Variants in WDR11 observed in about 807,000 individuals in gnomAD.
WDR11 encodes WD repeat domain 11, also known as WD repeat-containing protein 11.
Under a neutral mutation model 151.2 loss-of-function variants are expected in WDR11, and 83 were observed. The ratio of observed to expected loss-of-function variants is 0.55; its 90% confidence interval spans 0.46 to 0.66. The LOEUF (loss-of-function observed/expected upper bound fraction) is 0.66, where lower values mean the gene tolerates loss of function less well. Ranked by LOEUF, WDR11 falls within the 30% of genes least tolerant of loss-of-function variation. The pLI, the probability that WDR11 is intolerant of heterozygous loss-of-function variation, is 0.00. For missense variants in WDR11, 1,301 were observed against 1,480.9 expected (o/e 0.88, Z 1.99); for synonymous variants, 484 against 533.1 (o/e 0.91, Z 1.27).
intron 4 of WDR11, 25 bp from the exon 5 acceptor site, chr10:120,862,710 C>CA (rs1564941217): frequency 6.2e-7 from 1 of 1,611,126 alleles, no homozygotes; most frequent in East Asian, 2.2e-5. Flanking sequence ...AAACTTTAAT[C>CA]AGAGTTTTGC....
chr10:120,871,368 T>C, intron 10 of WDR11, 22 bp downstream of exon 10: 1 of 1,609,498 alleles, frequency 6.2e-7, no homozygotes, highest in Admixed American at 1.7e-5. Flanking sequence ...ACCTGGTCTT[T>C]TTTTTTTTAA....
chr10:120,852,657 C>T (rs1845820580), intron 2 of WDR11, 22 bp downstream of exon 2: 1 of 1,587,554 alleles, frequency 6.3e-7, no homozygotes, highest in African/African-American at 1.3e-5. Context: ...CCCACTTTGA[C>T]GCTAACATGT....
chr10:120,854,368 G>A (rs192764803), intron 2 of WDR11, among the ~76,000 whole-genome samples: 21 of 152,310 alleles, frequency 1.4e-4, no homozygotes, highest in African/African-American at 5.1e-4. Flanking sequence ...CTCTGTTACT[G>A]ATGAATAATA....
intron 13 of WDR11, 105 bp from the exon 14 acceptor site, chr10:120,883,675 G>C: frequency 1.1e-6 from 1 of 878,934 alleles, no homozygotes; most frequent in South Asian, 1.4e-5. Context: ...TCTATATTTA[G>C]AATGCGTCAG....
chr10:120,886,048 T>C, intron 15 of WDR11, 110 bp downstream of exon 15: 1 of 1,401,876 alleles, frequency 7.1e-7, no homozygotes, highest in African/African-American at 1.4e-5. Flanking sequence ...ACTCTGCTTT[T>C]GAACATACTT....
intron 9 of WDR11, among the ~76,000 whole-genome samples, chr10:120,869,303 CG>C (rs1349368762): frequency 6.6e-6 from 1 of 151,480 alleles, no homozygotes; most frequent in Non-Finnish European, 1.5e-5. Flanking sequence ...TTAGTAGAGA[CG>C]GGGTTTCACT....
chr10:120,855,488 A>C (rs1472004501), intron 2 of WDR11, among the ~76,000 whole-genome samples: 1 of 151,502 alleles, frequency 6.6e-6, no homozygotes, highest in African/African-American at 2.4e-5. Flanking sequence ...TTGAAGAACA[A>C]AACTTTTTCA....
intron 19 of WDR11, among the ~76,000 whole-genome samples, chr10:120,894,169 A>G (rs970639995): frequency 6.6e-6 from 1 of 152,018 alleles, no homozygotes; most frequent in Non-Finnish European, 1.5e-5. Context: ...TAAGTCTTTA[A>G]TCCATCTTGA....
chr10:120,904,918 G>A (rs1847975903), intron 25 of WDR11, 107 bp downstream of exon 25: 9 of 1,261,918 alleles, frequency 7.1e-6, no homozygotes, highest in Non-Finnish European at 7.9e-6. Flanking sequence ...ATATGCTGAA[G>A]AAAAATAGAA....
chr10:120,886,794 T>A lies in WDR11; in HGVS notation c.2079T>A (p.Val693=). ...DIDGQVYHLT[V]EGNSVKDSAR... is the part of the protein sequence containing the mutation. ...ATGGCCAAGTGTATCATCTCACTGTTGAAGGAAACTCAGTAAAAGACAGTG... is the reference window on the plus strand; with the variant it reads ...ATGGCCAAGTGTATCATCTCACTGTAGAAGGAAACTCAGTAAAAGACAGTG... Residue 693 remains valine (V), a synonymous_variant, in exon 16 of 29, where the codon GTT becomes GTA. Coordinates refer to ENST00000263461, the MANE Select transcript of WDR11 (RefSeq NM_018117.12). The A allele has an allele frequency of 3.7e-6, 6 of 1,614,064 alleles. No homozygotes were observed. The highest frequency in any genetic ancestry group is 5.1e-6 in the Non-Finnish European group (6 of 1,179,982).
intron 21 of WDR11, 105 bp downstream of exon 21, chr10:120,901,203 T>C (rs1800250815): frequency 9.9e-7 from 1 of 1,011,766 alleles, no homozygotes; most frequent in East Asian, 2.5e-5. Context: ...TTAGAAAATA[T>C]TAGTGGCCCA....
At chr10:120,889,395 G>A (rs1323233641) in intron 17 of WDR11, 10 of 505,512 alleles carry the variant, frequency 2.0e-5, no homozygotes, top group East Asian at 3.8e-5. Flanking sequence ...CCACCACCAC[G>A]CCCGGCTAAT....
chr10:120,899,223 G>T (rs1300647627), intron 19 of WDR11, among the ~76,000 whole-genome samples: 2 of 152,106 alleles, frequency 1.3e-5, no homozygotes, highest in African/African-American at 4.8e-5. Flanking sequence ...TAAGAAGATA[G>T]CCCCTGTGTT....
chr10:120,888,259 A>G (rs1564712944), intron 16 of WDR11, among the ~76,000 whole-genome samples: 1 of 152,264 alleles, frequency 6.6e-6, no homozygotes, highest in African/African-American at 2.4e-5. Flanking sequence ...TAAATTTATT[A>G]ATACTAGCAA....
At position 120,873,842 on chromosome 10, in the gene WDR11, C is replaced by T. The variant is rs761874179; in HGVS notation, c.1475C>T (p.Thr492Ile). 7 of 1,609,662 alleles carry T rather than the reference C, an allele frequency of 4.3e-6. No individual in the cohort carries two copies. The South Asian group carries it at 5.5e-5, about 13-fold the overall frequency. ...TTCCATGATGTCATTTTGAAAGGTA[C>T]AAGTAATGGTTCTGTCCTGGTGTAC... ...KMYQPLLAVG[T>I]SNGSVLVYHL... The change falls in exon 11 of 29, where the codon ACA (threonine) becomes ATA (isoleucine). Residue 492 changes from threonine to isoleucine, a missense_variant. Thr to Ile is a moderately conservative substitution (Grantham distance 89). Around this residue, in one of 3 missense-constraint regions of WDR11, gnomAD observed 692 missense variants for 762.5 expected, o/e 0.91. Transcript: ENST00000263461.
chr10:120,897,211 A>G (rs567974231), intron 19 of WDR11, among the ~76,000 whole-genome samples: 47 of 152,320 alleles, frequency 3.1e-4, no homozygotes, highest in Non-Finnish European at 5.7e-4. Flanking sequence ...GGAAACGGGA[A>G]GTGGGCAAGA....
chr10:120,877,834 G>A (rs1356190508), intron 11 of WDR11, among the ~76,000 whole-genome samples: 1 of 152,200 alleles, frequency 6.6e-6, no homozygotes, highest in Non-Finnish European at 1.5e-5. Context: ...CATGACAGCA[G>A]ATAGCACAAA....
intron 20 of WDR11, among the ~76,000 whole-genome samples, chr10:120,900,670 C>G (rs897385688): frequency 6.6e-6 from 1 of 152,180 alleles, no homozygotes; most frequent in Non-Finnish European, 1.5e-5. Context: ...GCACTGTCTC[C>G]TCAGAATATT....
rs553111308 is a variant in WDR11 at position 120,862,632 on chromosome 10, A to G, written c.527-103A>G. The stretch of plus-strand genomic sequence containing the variant: ...GAATGCATAACATTGCCAGTTATAT[A>G]TTATTAAAATTATCACTATATTGCT... On this transcript the variant is annotated intron_variant, in intron 4 of 28. Coordinates refer to ENST00000263461, the MANE Select transcript of WDR11 (RefSeq NM_018117.12). 6.5e-5 allele frequency: 76 copies of G among 1,163,164 alleles called. 1 individual carries two copies. In the South Asian group the frequency reaches 8.3e-4, roughly 13 times the overall value. 72.1% of individuals were successfully genotyped at this position (1,163,164 alleles called of 1,614,324 possible). A position where few individuals can be genotyped will look rare whatever the true frequency, so the allele number is the denominator to read the frequency against.
Sources: allele counts gnomAD v4.1 joint callset (sites outside exome capture counted in the v4.1 genomes callset), GRCh38; gene constraint gnomAD v4.1.1; regional missense constraint gnomAD v4.1.1; transcripts MANE v1.5; gene names NCBI Gene and HGNC (gene_info 2026-07-23, HGNC 2026-07-21).